ZNF3: variants seen among roughly 807,000 people sequenced by gnomAD.
ZNF3 encodes the protein zinc finger protein 3.
Under a neutral mutation model 36.9 loss-of-function variants are expected in ZNF3, and 16 were observed. The ratio of observed to expected loss-of-function variants is 0.43; its 90% CI spans 0.29 to 0.66. ZNF3 has a LOEUF of 0.66. Ranked by LOEUF, ZNF3 falls within the 30% of genes least tolerant of loss-of-function variation. ZNF3 has a pLI of 0.13. For synonymous variants in ZNF3, 201 were observed against 201.9 expected, an observed-to-expected ratio of 1.00 and a Z score of 0.04; for missense variants, 462 against 543.1, an observed-to-expected ratio of 0.85 and a Z score of 1.48.
At chr7:100,072,638 G>A (rs1016431642) in intron 5 of ZNF3, among the ~76,000 whole-genome samples, 1 of 152,142 alleles carries the variant, frequency 6.6e-6, no homozygotes, top group African/African-American at 2.4e-5. Context: ...GAAGGGTGAG[G>A]AGAGACAGCA....
chr7:100,070,393 C>A lies in ZNF3; in HGVS notation c.*750G>T, dbSNP rs1358010242. 1 of 985,462 alleles carries A rather than the reference C, an allele frequency of 1.0e-6. No homozygotes were observed. The highest frequency in any genetic ancestry group is 1.1e-4 in the East Asian group (1 of 8,806). The allele number at this position is 985,462 out of a possible 1,614,324, so 61.0% of individuals were successfully genotyped here. A position where few individuals can be genotyped will look rare whatever the true frequency, so the allele number is the denominator to read the frequency against. Reference sequence around the variant, plus strand: ...GAAGAGGACAAGAGAGGACAGCAATCAGAGGCCAACGCTAAGTGCTTCTGA... The same window carrying A: ...GAAGAGGACAAGAGAGGACAGCAATAAGAGGCCAACGCTAAGTGCTTCTGA... On this transcript the variant is annotated 3_prime_UTR_variant, in exon 6 of 6. Transcript: ENST00000299667.
rs541954069 is a variant in ZNF3, at chr7:100,070,303, A to G, written c.*840T>C. ...GTGAGAGGGCAGGGCAAGCAGGCCA[A>G]GTGAGCTCCTTGAAAGCATCCTTAC... On this transcript the variant is annotated 3_prime_UTR_variant, in exon 6 of 6. Coordinates refer to ENST00000299667, the MANE Select transcript of ZNF3 (RefSeq NM_032924.5). 5.1e-6 allele frequency: 5 copies of G among 985,618 alleles called. No homozygotes were observed. In the African/African-American group the frequency reaches 7.0e-5, roughly 14 times the overall value. The allele number at this position is 985,618 out of a possible 1,614,324, so 61.1% of individuals were successfully genotyped here. A position where few individuals can be genotyped will look rare whatever the true frequency, so the allele number is the denominator to read the frequency against.
At chr7:100,064,604 G>A (rs1022698050) in exon 6 of ZNF3, 1 of 1,613,378 alleles carries the variant, frequency 6.2e-7, no homozygotes, top group Non-Finnish European at 8.5e-7. Flanking sequence ...ACTGGAGAGG[G>A]AGAAGCACCG....
At chr7:100,073,330 CTAATT>C (rs1462904791) in intron 5 of ZNF3, among the ~76,000 whole-genome samples, 1 of 152,062 alleles carries the variant, frequency 6.6e-6, no homozygotes, top group Non-Finnish European at 1.5e-5. Flanking sequence ...AGTTGAGAAA[CTAATT>C]TATTAATCTT....
chr7:100,064,504 A>G, exon 6 of ZNF3: 1 of 1,614,076 alleles, frequency 6.2e-7, no homozygotes, highest in Non-Finnish European at 8.5e-7. Flanking sequence ...ACACCACAGA[A>G]TCCACACCGG....
intron 5 of ZNF3, among the ~76,000 whole-genome samples, chr7:100,072,722 C>T (rs1340095983): frequency 2.6e-5 from 4 of 152,118 alleles, no homozygotes; most frequent in Non-Finnish European, 5.9e-5. Flanking sequence ...TCATGGCTGT[C>T]GTCACGCCAC....
At chr7:100,073,702 G>C (rs1793589645) in intron 5 of ZNF3, among the ~76,000 whole-genome samples, 2 of 151,966 alleles carry the variant, frequency 1.3e-5, no homozygotes, top group African/African-American at 4.8e-5. Flanking sequence ...ACTAGGTCCT[G>C]AACAAAGCAA....
exon 6 of ZNF3, chr7:100,064,829 A>C: frequency 6.2e-7 from 1 of 1,614,152 alleles, no homozygotes; most frequent in Non-Finnish European, 8.5e-7. Context: ...AGTTCACTGG[A>C]GCAGAGTCCC....
downstream of ZNF3, among the ~76,000 whole-genome samples, chr7:100,065,346 C>A (rs1027935418): frequency 2.0e-5 from 3 of 151,540 alleles, no homozygotes; most frequent in African/African-American, 7.3e-5. Flanking sequence ...ATCGCTTGAA[C>A]CCGGGAGGCA....
chr7:100,064,946 T>A, intron 5 of ZNF3: 1 of 1,607,764 alleles, frequency 6.2e-7, no homozygotes, highest in Non-Finnish European at 8.5e-7. Flanking sequence ...ATTGTTTAAT[T>A]TTTAACATAT....
At chr7:100,064,734 C>T in exon 6 of ZNF3, 1 of 1,612,876 alleles carries the variant, frequency 6.2e-7, no homozygotes, top group Non-Finnish European at 8.5e-7. Flanking sequence ...CACTCAACAT[C>T]AGGGGATGCC....
Position 100,075,148 on chromosome 7 carries a change from AT to A in ZNF3, c.257del (p.Asn86MetfsTer51). 2 of 1,610,028 alleles carry A rather than the reference AT, an allele frequency of 1.2e-6. No homozygotes were observed. The highest frequency in any genetic ancestry group is 1.7e-6 in the Non-Finnish European group (2 of 1,176,934). On this transcript the variant is annotated frameshift_variant, in exon 5 of 6. Coordinates refer to ENST00000299667, the MANE Select transcript of ZNF3 (RefSeq NM_032924.5). LOFTEE classifies it high-confidence loss of function. ...ATAACTCCTTACCCAGTGAGAACAC[AT>A]TCCCGTAATTCTCCAGCATCACATC... Reference protein sequence around the residue: ...YRDVMLENYGNVFSLDRETRT... With the variant: ...YRDVMLENYGXVFSLDRETRT...
At chr7:100,072,715 T>C (rs1361536819) in intron 5 of ZNF3, among the ~76,000 whole-genome samples, 1 of 152,122 alleles carries the variant, frequency 6.6e-6, no homozygotes, top group Admixed American at 6.5e-5. Context: ...AGAGCAATCA[T>C]GGCTGTCGTC....
At chr7:100,074,670 CTT>C (rs986552201) in intron 5 of ZNF3, among the ~76,000 whole-genome samples, 12 of 152,318 alleles carry the variant, frequency 7.9e-5, no homozygotes, top group African/African-American at 2.9e-4. Context: ...TATGAGAACT[CTT>C]TATAAGTTGC....
Position 100,071,414 on chromosome 7 carries a change from T to C in ZNF3, c.1070A>G (p.Gln357Arg), listed in dbSNP as rs377089405. Residue 357 changes from glutamine to arginine, a missense_variant, in exon 6 of 6, where the codon CAG becomes CGG. Gln to Arg is a conservative substitution (Grantham distance 43). Coordinates refer to ENST00000299667, the MANE Select transcript of ZNF3 (RefSeq NM_032924.5). Reference protein sequence around the residue: ...KAFSQSSHLYQHQRIHTGEKP... With the variant: ...KAFSQSSHLYRHQRIHTGEKP... ...CTCTCCAGTGTGGATTCTCTGGTGC[T>C]GATAGAGGTGTGAGCTCTGGCTGAA... 1 of 1,614,108 alleles carries C rather than the reference T, an allele frequency of 6.2e-7. No individual in the cohort carries two copies. Among genetic ancestry groups the C allele is most frequent in the African/African-American group, 1.3e-5 (1 of 74,942 alleles).
At chr7:100,068,980 C>T (rs570249778), downstream of ZNF3, among the ~76,000 whole-genome samples, 6 of 151,784 alleles carry the variant, frequency 4.0e-5, no homozygotes, top group East Asian at 1.9e-4. Context: ...CCACACCTGG[C>T]TGATATATAT....
chr7:100,071,009 T>TGC lies in ZNF3; in HGVS notation c.*132_*133dup. Reference sequence around the variant, plus strand: ...TGATTTCTGGGAAAATTCAACGATTTGCCCCATCTGCCCCATTCTCTAAAA... The same window carrying TGC: ...TGATTTCTGGGAAAATTCAACGATTTGCGCCCCATCTGCCCCATTCTCTAAAA... On this transcript the variant is annotated 3_prime_UTR_variant, in exon 6 of 6. Transcript: ENST00000299667. 1 of 1,471,330 alleles carries TGC rather than the reference T, an allele frequency of 6.8e-7. No homozygotes were observed. Among genetic ancestry groups the TGC allele is most frequent in the Non-Finnish European group, 9.0e-7 (1 of 1,115,688 alleles). 91.1% of individuals were successfully genotyped at this position (1,471,330 alleles called of 1,614,324 possible). A position where few individuals can be genotyped will look rare whatever the true frequency, so the allele number is the denominator to read the frequency against.
downstream of ZNF3, among the ~76,000 whole-genome samples, chr7:100,066,340 C>T (rs1224091459): frequency 2.6e-5 from 4 of 152,130 alleles, no homozygotes; most frequent in East Asian, 5.8e-4. Context: ...CTTTGGGAGG[C>T]TGATGCAGAA....
chr7:100,076,669 T>C (rs1053573893), intron 3 of ZNF3, among the ~76,000 whole-genome samples: 1 of 152,140 alleles, frequency 6.6e-6, no homozygotes, highest in Admixed American at 6.6e-5. Flanking sequence ...AAGCGCCTCC[T>C]CTAAAAGCAT....
Sources: gnomAD v4.1 joint callset for allele counts (sites outside exome capture counted in the v4.1 genomes callset) on GRCh38, gnomAD v4.1.1 for gene constraint, MANE v1.5 for transcripts, NCBI Gene and HGNC (gene_info 2026-07-23, HGNC 2026-07-21) for gene names.